PRKN: variants seen among roughly 807,000 people sequenced by gnomAD.
PRKN encodes parkin RBR E3 ubiquitin protein ligase.
Under a neutral mutation model 59.5 loss-of-function variants are expected in PRKN, and 56 were observed. That is an observed-to-expected ratio of 0.94 (90% CI 0.76 to 1.18). The LOEUF is 1.18. PRKN is among the 50% of genes most tolerant of loss of function. The pLI, the probability that PRKN is intolerant of heterozygous loss-of-function variation, is 0.00. For synonymous variants in PRKN, 250 were observed against 222.1 expected (o/e 1.13, Z -1.12); for missense variants, 657 against 596.4 (o/e 1.10, Z -1.06).
chr6:162,293,300 G>A (rs543685834), intron 2 of PRKN, among the ~76,000 whole-genome samples: 3 of 152,176 alleles, frequency 2.0e-5, no homozygotes, highest in Non-Finnish European at 4.4e-5. Context: ...GAAAGAACCC[G>A]AATGGGAAAG....
chr6:162,074,597 T>G (rs1037044466), intron 4 of PRKN, among the ~76,000 whole-genome samples: 39 of 142,420 alleles, frequency 2.7e-4, no homozygotes, highest in African/African-American at 8.2e-4. Flanking sequence ...ACCTGCACAA[T>G]GTGCACATGT....
At chr6:161,617,271 ATTTG>A (rs1782733190) in intron 7 of PRKN, among the ~76,000 whole-genome samples, 2 of 152,068 alleles carry the variant, frequency 1.3e-5, no homozygotes, top group South Asian at 2.1e-4. Flanking sequence ...TTTCTTGTAA[ATTTG>A]TTTAAGTTCT....
At chr6:161,465,480 A>ATT (rs35572465) in intron 9 of PRKN, among the ~76,000 whole-genome samples, 60 of 141,566 alleles carry the variant, frequency 4.2e-4, no homozygotes, top group Admixed American at 3.1e-3. Flanking sequence ...TCTTTTGGGG[A>ATT]TTTTTTTTTT....
At position 161,353,622 on chromosome 6, in the gene PRKN, T is replaced by C. The variant is rs1391091154; in HGVS notation, c.1286-3411A>G. Among the ~76,000 whole-genome samples, 1 of 152,182 alleles carries C rather than the reference T, an allele frequency of 6.6e-6. No individual in the cohort carries two copies. Among genetic ancestry groups the C allele is most frequent in the Non-Finnish European group, 1.5e-5 (1 of 68,040 alleles). The stretch of plus-strand genomic sequence containing the variant: ...CTCGCCCTCTGCATCTCTTCATCTG[T>C]ATCTTTTGTAATATCCTTTATAATA... On this transcript the variant is annotated intron_variant, in intron 11 of 11. Coordinates refer to ENST00000366898, the MANE Select transcript of PRKN (RefSeq NM_004562.3). The surrounding 1 kb of genome is among the most constrained non-coding windows in gnomAD (Gnocchi z 4.8).
chr6:161,628,781 G>C, intron 7 of PRKN, among the ~76,000 whole-genome samples: 1 of 152,244 alleles, frequency 6.6e-6, no homozygotes, highest in South Asian at 2.1e-4. Flanking sequence ...ACAGAATCGC[G>C]CAGGGCTACA....
chr6:161,444,369 G>A lies in PRKN; in HGVS notation c.1084-57492C>T, dbSNP rs1178781347. On this transcript the variant is annotated intron_variant, in intron 9 of 11. Coordinates refer to ENST00000366898, the MANE Select transcript of PRKN (RefSeq NM_004562.3). This position sits in a 1 kb window ranked among gnomAD's most constrained non-coding sequence, Gnocchi z 5.6. ...GTGCTCTGTAATGGGTTTAGCCAAAGCATCCCCACCACCTTCCTCCAGGAA... is the reference window on the plus strand; with the variant it reads ...GTGCTCTGTAATGGGTTTAGCCAAAACATCCCCACCACCTTCCTCCAGGAA... Among the ~76,000 whole-genome samples the A allele has an allele frequency of 6.6e-6, 1 of 152,228 alleles. No homozygotes were observed. Among genetic ancestry groups the A allele is most frequent in the Non-Finnish European group, 1.5e-5 (1 of 68,050 alleles).
At chr6:161,424,773 C>G (rs1468613905) in intron 9 of PRKN, among the ~76,000 whole-genome samples, 1 of 152,134 alleles carries the variant, frequency 6.6e-6, no homozygotes, top group African/African-American at 2.4e-5. Context: ...ATCAAAGTAT[C>G]AAAGGAATTA....
intron 2 of PRKN, among the ~76,000 whole-genome samples, chr6:162,339,301 G>GC (rs1211656362): frequency 2.9e-5 from 4 of 136,974 alleles, no homozygotes; most frequent in African/African-American, 1.1e-4. Flanking sequence ...GGGGGGGTCA[G>GC]CCCCCCGCCC....
At chr6:161,612,603 C>A (rs1782526660) in intron 7 of PRKN, among the ~76,000 whole-genome samples, 1 of 151,744 alleles carries the variant, frequency 6.6e-6, no homozygotes, top group Admixed American at 6.6e-5. Flanking sequence ...AGCCTGTAGT[C>A]CCAGCTACTC....
chr6:161,898,032 A>G (rs887844934), intron 6 of PRKN, among the ~76,000 whole-genome samples: 3 of 151,022 alleles, frequency 2.0e-5, no homozygotes, highest in Non-Finnish European at 2.9e-5. Context: ...TACATCTTCA[A>G]TTAAATCAAG....
chr6:161,760,364 T>C (rs1205821947), intron 7 of PRKN, among the ~76,000 whole-genome samples: 2 of 151,170 alleles, frequency 1.3e-5, no homozygotes, highest in African/African-American at 4.9e-5. Flanking sequence ...ATGAAAATGA[T>C]GTATTACATA....
At chr6:162,131,743 G>C (rs1038804512) in intron 4 of PRKN, among the ~76,000 whole-genome samples, 5 of 152,096 alleles carry the variant, frequency 3.3e-5, no homozygotes, top group Non-Finnish European at 2.9e-5. Flanking sequence ...ATATATTTCA[G>C]ATACAAAAAT....
intron 6 of PRKN, among the ~76,000 whole-genome samples, chr6:161,925,980 T>C (rs918704060): frequency 6.6e-6 from 1 of 152,196 alleles, no homozygotes; most frequent in African/African-American, 2.4e-5. Flanking sequence ...AATTTAAAAT[T>C]AAGAACATTG....
Position 162,151,596 on chromosome 6 carries a change from G to C in PRKN, c.534+49535C>G, listed in dbSNP as rs376188330. ...GTGACGATTTATAATGTGATATTTT[G>C]ATGCCTGAGACTATTTTCAGAATTA... On this transcript the variant is annotated intron_variant, in intron 4 of 11. Transcript: ENST00000366898. Among the ~76,000 whole-genome samples, 19 of 152,242 alleles carry C rather than the reference G, an allele frequency of 1.2e-4. No homozygotes were observed. The East Asian group carries it at 3.7e-3, about 29-fold the overall frequency.
At chr6:162,030,668 T>G (rs1783601711) in intron 5 of PRKN, among the ~76,000 whole-genome samples, 1 of 152,294 alleles carries the variant, frequency 6.6e-6, no homozygotes, top group Middle Eastern at 3.4e-3. Flanking sequence ...CTGAGAATCA[T>G]TGTTCCTAGG....
chr6:161,657,525 T>A (rs559995278), intron 7 of PRKN, among the ~76,000 whole-genome samples: 1 of 152,220 alleles, frequency 6.6e-6, no homozygotes, highest in East Asian at 1.9e-4. Context: ...AGTAATTTTT[T>A]AAAAATCCTG....
intron 4 of PRKN, among the ~76,000 whole-genome samples, chr6:162,066,096 T>C (rs188759283): frequency 1.3e-5 from 2 of 152,330 alleles, no homozygotes; most frequent in Admixed American, 6.5e-5. Context: ...AGTAATGGGA[T>C]TGCTGGGTCA....
At chr6:161,963,541 G>A (rs1336561587) in intron 6 of PRKN, among the ~76,000 whole-genome samples, 1 of 152,220 alleles carries the variant, frequency 6.6e-6, no homozygotes, top group Non-Finnish European at 1.5e-5. Context: ...ACTGACCCCA[G>A]ATAATATGGC....
intron 9 of PRKN, among the ~76,000 whole-genome samples, chr6:161,464,818 T>G (rs1790379744): frequency 6.6e-6 from 1 of 152,190 alleles, no homozygotes; most frequent in South Asian, 2.1e-4. Flanking sequence ...AACGAATTAG[T>G]CAAATGTCAG....
Sources: allele counts gnomAD v4.1 joint callset (sites outside exome capture counted in the v4.1 genomes callset), GRCh38; gene constraint gnomAD v4.1.1; non-coding constraint Gnocchi (gnomAD v3.1); transcripts MANE v1.5; gene names NCBI Gene and HGNC (gene_info 2026-07-23, HGNC 2026-07-21).